GPR39: variants seen among roughly 807,000 people sequenced by gnomAD.
The protein encoded by GPR39 is zinc sensing receptor.
In GPR39, 23 loss-of-function variants were observed where a neutral mutation model predicts 18.4. That is an observed-to-expected ratio of 1.25 (90% CI 0.90 to 1.77). GPR39 has a LOEUF of 1.77. GPR39 is among the 40% of genes most tolerant of loss of function. The probability of loss-of-function intolerance (pLI) is 0.00; values close to 1 mark genes in which losing one functional copy is unlikely to be tolerated. For synonymous variants in GPR39, 280 were observed against 257.9 expected, an observed-to-expected ratio of 1.09 and a Z score of -0.82; for missense variants, 647 against 602.4, an observed-to-expected ratio of 1.07 and a Z score of -0.78.
At position 132,600,457 on chromosome 2, in the gene GPR39, A is replaced by G. The variant is rs192766861; in HGVS notation, c.857-44644A>G. On this transcript the variant is annotated intron_variant, in intron 1 of 1. Coordinates refer to ENST00000329321, the MANE Select transcript of GPR39 (RefSeq NM_001508.3). Reference sequence around the variant, plus strand: ...CAAACAATGAATGAAACATTTTTTAAAAAGATAAAATTGACAAAACATTAG... The same window carrying G: ...CAAACAATGAATGAAACATTTTTTAGAAAGATAAAATTGACAAAACATTAG... Among the ~76,000 whole-genome samples the G allele has an allele frequency of 1.4e-3, 212 of 152,304 alleles. 4 individuals are homozygous for G. The highest frequency in any genetic ancestry group is 0.014 in the Admixed American group (212 of 15,300).
At chr2:132,492,296 A>G (rs1179519018) in intron 1 of GPR39, among the ~76,000 whole-genome samples, 1 of 142,730 alleles carries the variant, frequency 7.0e-6, no homozygotes, top group East Asian at 2.0e-4. Context: ...CCATATATAT[A>G]CATACCATAT....
intron 1 of GPR39, among the ~76,000 whole-genome samples, chr2:132,452,097 G>GA (rs769246612): frequency 1.3e-5 from 2 of 152,108 alleles, no homozygotes; most frequent in Non-Finnish European, 2.9e-5. Context: ...AGTACCAAAG[G>GA]TATCACTCCA....
At chr2:132,446,054 T>C (rs2104767905) in intron 1 of GPR39, among the ~76,000 whole-genome samples, 1 of 152,250 alleles carries the variant, frequency 6.6e-6, no homozygotes, top group African/African-American at 2.4e-5. Context: ...CAGAGAAGCA[T>C]GTGGGCAAGT....
intron 1 of GPR39, among the ~76,000 whole-genome samples, chr2:132,540,296 G>A (rs1238079146): frequency 6.6e-6 from 1 of 152,196 alleles, no homozygotes; most frequent in Non-Finnish European, 1.5e-5. Context: ...AGAACAGGAA[G>A]GCAGCATGAG....
intron 1 of GPR39, among the ~76,000 whole-genome samples, chr2:132,534,826 C>A (rs561044464): frequency 3.5e-4 from 53 of 151,840 alleles, no homozygotes; most frequent in African/African-American, 1.2e-3. Context: ...ACATCACACA[C>A]TGGGGACTGT....
At chr2:132,629,297 T>C (rs1681606761) in intron 1 of GPR39, among the ~76,000 whole-genome samples, 1 of 152,202 alleles carries the variant, frequency 6.6e-6, no homozygotes, top group South Asian at 2.1e-4. Flanking sequence ...ACCACAGGTC[T>C]AAGATGGGGC....
At chr2:132,634,112 T>C (rs1681705196) in intron 1 of GPR39, among the ~76,000 whole-genome samples, 2 of 145,156 alleles carry the variant, frequency 1.4e-5, no homozygotes, top group African/African-American at 5.7e-5. Flanking sequence ...GTGATGATGA[T>C]GGTGGCCATA....
chr2:132,570,586 C>A (rs961737470), intron 1 of GPR39, among the ~76,000 whole-genome samples: 7 of 152,172 alleles, frequency 4.6e-5, no homozygotes, highest in Admixed American at 2.6e-4. Context: ...TTTCTCCTAT[C>A]TTAAAAACAA....
chr2:132,471,585 T>G (rs1681031790), intron 1 of GPR39, among the ~76,000 whole-genome samples: 1 of 151,990 alleles, frequency 6.6e-6, no homozygotes, highest in Non-Finnish European at 1.5e-5. Flanking sequence ...GAACACAGTG[T>G]CACATGTCAG....
chr2:132,645,648 C>T lies in GPR39; in HGVS notation c.*42C>T. 2 of 1,573,360 alleles carry T rather than the reference C, an allele frequency of 1.3e-6. No individual in the cohort carries two copies. Among genetic ancestry groups the T allele is most frequent in the Non-Finnish European group, 1.7e-6 (2 of 1,161,684 alleles). On this transcript the variant is annotated 3_prime_UTR_variant, in exon 2 of 2. Coordinates refer to ENST00000329321, the MANE Select transcript of GPR39 (RefSeq NM_001508.3). The stretch of plus-strand genomic sequence containing the variant: ...CCTTGAGTGGGAACTGGCCCTCCAG[C>T]CCTAAGAAAACGTCACTCTCACTCT...
chr2:132,551,717 C>T (rs1680047664), intron 1 of GPR39, among the ~76,000 whole-genome samples: 1 of 152,204 alleles, frequency 6.6e-6, no homozygotes, highest in Admixed American at 6.5e-5. Context: ...AGTTTACCTG[C>T]ACTATATTTC....
At chr2:132,598,160 C>T (rs947103045) in intron 1 of GPR39, among the ~76,000 whole-genome samples, 14 of 152,344 alleles carry the variant, frequency 9.2e-5, no homozygotes, top group African/African-American at 3.4e-4. Context: ...GTGGCAGCTC[C>T]TTCTGAGGCT....
intron 1 of GPR39, among the ~76,000 whole-genome samples, chr2:132,484,936 A>G (rs916449296): frequency 6.6e-6 from 1 of 152,174 alleles, no homozygotes; most frequent in African/African-American, 2.4e-5. Flanking sequence ...GACCTCAGAG[A>G]AGTCTCACAG....
At chr2:132,478,822 G>C (rs1441668668) in intron 1 of GPR39, among the ~76,000 whole-genome samples, 1 of 152,248 alleles carries the variant, frequency 6.6e-6, no homozygotes. Context: ...GCTGCACATG[G>C]TTAATATTTG....
intron 1 of GPR39, among the ~76,000 whole-genome samples, chr2:132,423,658 C>T (rs4522656): frequency 0.12 from 17,805 of 152,162 alleles, 1,056 homozygotes; most frequent in South Asian, 0.19. Flanking sequence ...TATCTTTCTC[C>T]TCTCTCAGAT....
intron 1 of GPR39, among the ~76,000 whole-genome samples, chr2:132,475,665 A>G (rs1335804983): frequency 6.6e-6 from 1 of 152,144 alleles, no homozygotes; most frequent in Non-Finnish European, 1.5e-5. Flanking sequence ...CATTTGACCT[A>G]CTTTGAAAAT....
intron 1 of GPR39, among the ~76,000 whole-genome samples, chr2:132,464,821 G>A (rs1448633996): frequency 1.3e-5 from 2 of 152,164 alleles, no homozygotes; most frequent in Non-Finnish European, 2.9e-5. Context: ...CAAATGTAGA[G>A]GTGCTCTTGG....
chr2:132,539,201 G>C (rs1447652027), intron 1 of GPR39, among the ~76,000 whole-genome samples: 1 of 151,594 alleles, frequency 6.6e-6, no homozygotes, highest in East Asian at 1.9e-4. Flanking sequence ...ATGCACAAGG[G>C]AATCTACTGA....
chr2:132,598,235 A>G (rs1680980736), intron 1 of GPR39, among the ~76,000 whole-genome samples: 4 of 152,208 alleles, frequency 2.6e-5, no homozygotes, highest in Admixed American at 2.6e-4. Context: ...ACTGGCTGCT[A>G]CATACAGATT....
Sources: allele counts gnomAD v4.1 joint callset (sites outside exome capture counted in the v4.1 genomes callset), GRCh38; gene constraint gnomAD v4.1.1; transcripts MANE v1.5; gene names NCBI Gene and HGNC (gene_info 2026-07-23, HGNC 2026-07-21).